The following MED13L variants were observed in gnomAD, a reference collection of about 807,000 sequenced individuals.
MED13L encodes mediator of RNA polymerase II transcription subunit 13-like.
MED13L carries 7 observed loss-of-function variants against 220.9 expected under a neutral mutation model. The ratio of observed to expected loss-of-function variants is 0.03; its 90% confidence interval spans 0.02 to 0.06. The LOEUF (loss-of-function observed/expected upper bound fraction) is 0.06, where lower values mean the gene tolerates loss of function less well. Ranked by LOEUF, MED13L falls within the 10% of genes least tolerant of loss-of-function variation. MED13L has a pLI of 1.00. For missense variants in MED13L, 1,965 were observed against 2,760.5 expected, an observed-to-expected ratio of 0.71 and a Z score of 6.46; for synonymous variants, 1,011 against 1,015.2, an observed-to-expected ratio of 1.00 and a Z score of 0.08.
chr12:116,017,886 G>A (rs1261008160), intron 7 of MED13L, among the ~76,000 whole-genome samples: 1 of 151,624 alleles, frequency 6.6e-6, no homozygotes, highest in East Asian at 1.9e-4. Context: ...AAAATGATGG[G>A]ATTACAGGCA....
In MED13L at chr12:116,031,735, GAAAAGAAAAGAAAAGAAAAGA is replaced by G. The variant is rs1329157267; in HGVS notation, c.480-9155_480-9135del. Reference sequence around the variant, plus strand: ...GAAAAGAAAAGAAAAGAAAAGAAAAGAAAAGAAAAGAAAAGAAAAGAAAAGAAGGAAGGAAGGAAGGAAGGA... The same window carrying G: ...GAAAAGAAAAGAAAAGAAAAGAAAAGAAAGAAGGAAGGAAGGAAGGAAGGA... On this transcript the variant is annotated intron_variant, in intron 4 of 30. Coordinates refer to ENST00000281928, the MANE Select transcript of MED13L (RefSeq NM_015335.5). 9.5e-4 allele frequency among the ~76,000 whole-genome samples: 61 copies of G among 63,996 alleles called. 4 individuals are homozygous for G. The highest frequency in any genetic ancestry group is 2.7e-3 in the African/African-American group (29 of 10,846). The allele number at this position is 63,996 out of a possible 152,430, so 42.0% of individuals were successfully genotyped here.
At chr12:116,110,767 A>G (rs1320511092) in intron 3 of MED13L, among the ~76,000 whole-genome samples, 1 of 152,192 alleles carries the variant, frequency 6.6e-6, no homozygotes, top group Non-Finnish European at 1.5e-5. Flanking sequence ...TGAAAACACA[A>G]CATCACTTCT....
chr12:116,135,592 G>A (rs972020609), intron 2 of MED13L, among the ~76,000 whole-genome samples: 6 of 152,184 alleles, frequency 3.9e-5, no homozygotes, highest in Non-Finnish European at 7.3e-5. Context: ...CAAATTTGGG[G>A]TGGTTTGTTA....
intron 25 of MED13L, among the ~76,000 whole-genome samples, chr12:115,972,976 G>A (rs569296704): frequency 4.3e-4 from 65 of 152,178 alleles, no homozygotes; most frequent in African/African-American, 1.5e-3. Context: ...CCCTGCTTTC[G>A]GATCCCATCT....
intron 16 of MED13L, among the ~76,000 whole-genome samples, chr12:115,994,389 G>GCA (rs1188966296): frequency 6.6e-6 from 1 of 152,120 alleles, no homozygotes; most frequent in Non-Finnish European, 1.5e-5. Context: ...GGTCAAGGCT[G>GCA]CAGTGAGCTG....
At chr12:116,163,452 C>T (rs537562747) in intron 2 of MED13L, among the ~76,000 whole-genome samples, 1 of 151,364 alleles carries the variant, frequency 6.6e-6, no homozygotes, top group Admixed American at 6.6e-5. Flanking sequence ...GCAACCTCTG[C>T]CTCCCAGATT....
In MED13L at chr12:116,009,091, G is replaced by A. The variant is rs1809697134; in HGVS notation, c.1322C>T (p.Pro441Leu). The A allele has an allele frequency of 3.1e-6, 5 of 1,614,072 alleles. No homozygotes were observed. The highest frequency in any genetic ancestry group is 1.6e-4 in the Middle Eastern group (1 of 6,062). Residue 441 changes from proline to leucine, a missense_variant, in exon 10 of 31, where the codon CCT (proline) becomes CTT (leucine). Coordinates refer to ENST00000281928, the MANE Select transcript of MED13L (RefSeq NM_015335.5). Reference sequence around the variant, plus strand: ...GAACCCTGGTTGAGATACTGTGGGAGGTCGATTGGGCCCGACTGCACAACG... The same window carrying A: ...GAACCCTGGTTGAGATACTGTGGGAAGTCGATTGGGCCCGACTGCACAACG... ...LKRCAVGPNR[P>L]PTVSQPGFSA...
chr12:116,045,499 T>C (rs1337317219), intron 4 of MED13L, among the ~76,000 whole-genome samples: 5 of 152,190 alleles, frequency 3.3e-5, no homozygotes, highest in African/African-American at 1.2e-4. Flanking sequence ...AGCTCTTCCT[T>C]TACTAGCCCC....
intron 16 of MED13L, among the ~76,000 whole-genome samples, chr12:115,995,818 T>C (rs940004643): frequency 6.6e-6 from 1 of 152,314 alleles, no homozygotes; most frequent in South Asian, 2.1e-4. Context: ...GTGCTGACTA[T>C]CTCGTGTAAT....
intron 2 of MED13L, among the ~76,000 whole-genome samples, chr12:116,215,691 TAA>T (rs975401093): frequency 5.9e-5 from 9 of 152,154 alleles, no homozygotes; most frequent in African/African-American, 2.2e-4. Context: ...TTAATACCAA[TAA>T]GTTAAAGCTC....
At chr12:116,207,716 C>T (rs532773282) in intron 2 of MED13L, among the ~76,000 whole-genome samples, 45 of 151,514 alleles carry the variant, frequency 3.0e-4, no homozygotes, top group Admixed American at 2.0e-4. Context: ...AAGTAAAAAC[C>T]TTGTAGTCCT....
chr12:116,228,012 C>G (rs1395069032), intron 2 of MED13L, among the ~76,000 whole-genome samples: 2 of 152,090 alleles, frequency 1.3e-5, no homozygotes, highest in African/African-American at 4.8e-5. Context: ...GTGAAACAGG[C>G]TTATTGTTGA....
chr12:116,154,893 C>A (rs748125711), intron 2 of MED13L, among the ~76,000 whole-genome samples: 1 of 152,152 alleles, frequency 6.6e-6, no homozygotes, highest in South Asian at 2.1e-4. Flanking sequence ...CTGGCACAAT[C>A]TCGGCTCACT....
Position 115,997,379 on chromosome 12 carries a change from TAAG to T in MED13L, c.2570-152_2570-150del, listed in dbSNP as rs568003267. 2.7e-3 allele frequency: 1,824 copies of T among 673,354 alleles called. 5 individuals are homozygous for T. Among genetic ancestry groups the T allele is most frequent in the Non-Finnish European group, 4.0e-3 (1,565 of 393,232 alleles). The allele number at this position is 673,354 out of a possible 1,614,324, so 41.7% of individuals were successfully genotyped here. Reference sequence around the variant, plus strand: ...AAAGAATATTAATAATGGAAGTGACTAAGAAGAAGGCCATCAGCAGAGAATTAT... The same window carrying T: ...AAAGAATATTAATAATGGAAGTGACTAAGAAGGCCATCAGCAGAGAATTAT... On this transcript the variant is annotated intron_variant, in intron 14 of 30. Coordinates refer to ENST00000281928, the MANE Select transcript of MED13L (RefSeq NM_015335.5).
chr12:116,276,348 GT>G, intron 1 of MED13L: 2 of 661,136 alleles, frequency 3.0e-6, no homozygotes, highest in Non-Finnish European at 4.6e-6. Context: ...GTGTGTGTGT[GT>G]GTGCGGATTC....
At chr12:115,990,033 A>G (rs1035565450) in intron 17 of MED13L, among the ~76,000 whole-genome samples, 1 of 152,192 alleles carries the variant, frequency 6.6e-6, no homozygotes, top group South Asian at 2.1e-4. Flanking sequence ...CCCAACCCCT[A>G]GCATGCCTCT....
intron 2 of MED13L, among the ~76,000 whole-genome samples, chr12:116,228,153 T>C (rs1012193616): frequency 1.3e-5 from 2 of 152,044 alleles, no homozygotes; most frequent in African/African-American, 4.8e-5. Context: ...GAAGCAAACC[T>C]GGGAGCTAGC....
chr12:115,991,047 T>C lies in MED13L; in HGVS notation c.3907A>G (p.Thr1303Ala), dbSNP rs558582425. ...KVDEALVRSA[T>A]VHSWPHSNVL... ...TTGCTGTGAGGCCAAGAGTGCACAG[T>C]GGCACTTCTCACCAGAGCTTCGTCC... Residue 1303 changes from threonine (T) to alanine (A), a missense_variant, in exon 17 of 31, where the codon ACT becomes GCT. Physicochemically the swap from Thr to Ala is moderately conservative, Grantham distance 58 (BLOSUM62 0). Transcript: ENST00000281928. This position sits in a 1 kb window ranked among gnomAD's most constrained non-coding sequence, Gnocchi z 7.7. 5.6e-6 allele frequency: 9 copies of C among 1,614,164 alleles called. No homozygotes were observed. Among genetic ancestry groups the C allele is most frequent in the Non-Finnish European group, 6.8e-6 (8 of 1,180,020 alleles).
chr12:116,244,978 A>G (rs535287021), intron 1 of MED13L, among the ~76,000 whole-genome samples: 1 of 152,234 alleles, frequency 6.6e-6, no homozygotes, highest in Non-Finnish European at 1.5e-5. Flanking sequence ...AAAAGAAAAT[A>G]AAATAAGAAG....
Sources: allele counts gnomAD v4.1 joint callset (sites outside exome capture counted in the v4.1 genomes callset), GRCh38; gene constraint gnomAD v4.1.1; non-coding constraint Gnocchi (gnomAD v3.1); transcripts MANE v1.5; gene names NCBI Gene and HGNC (gene_info 2026-07-23, HGNC 2026-07-21).